The following PRKG1 variants were observed in gnomAD, a reference collection of about 807,000 sequenced individuals.
The protein encoded by PRKG1 is protein kinase cGMP-dependent 1.
PRKG1 carries 35 observed loss-of-function variants against 88.1 expected under a neutral mutation model. The observed-to-expected ratio is 0.40, with a 90% CI of 0.30 to 0.53. The LOEUF is 0.53. Ranked by LOEUF, PRKG1 falls within the 20% of genes least tolerant of loss-of-function variation. The pLI, the probability that PRKG1 is intolerant of heterozygous loss-of-function variation, is 0.59. For missense variants in PRKG1, 540 were observed against 839.8 expected (o/e 0.64, Z 4.41); for synonymous variants, 303 against 292.5 (o/e 1.04, Z -0.37).
intron 2 of PRKG1, among the ~76,000 whole-genome samples, chr10:51,269,039 C>A (rs1380749429): frequency 6.6e-6 from 1 of 152,000 alleles, no homozygotes; most frequent in Non-Finnish European, 1.5e-5. Context: ...AAAAAACAAT[C>A]CTATCAAAAA....
In PRKG1 at chr10:51,164,774, G is replaced by C. The variant is rs532933147; in HGVS notation, c.478+11444G>C. ...ATGCAGAAGCCTCAGGAGCTGACGT[G>C]ATCAACTGGAAGAAAGGGTATCAGT... On this transcript the variant is annotated intron_variant, in intron 2 of 17. Transcript: ENST00000373980. Among the ~76,000 whole-genome samples, 13 of 152,160 alleles carry C rather than the reference G, an allele frequency of 8.5e-5. No individual in the cohort carries two copies. The East Asian group carries it at 1.9e-3, about 23-fold the overall frequency.
intron 3 of PRKG1, among the ~76,000 whole-genome samples, chr10:51,714,712 C>A (rs1031384487): frequency 3.2e-4 from 49 of 152,290 alleles, no homozygotes; most frequent in African/African-American, 1.2e-3. Flanking sequence ...ATTTATCCTT[C>A]TCCTTATCAT....
At position 52,257,330 on chromosome 10, in the gene PRKG1, T is replaced by C. The variant is rs918112727; in HGVS notation, c.1173+5664T>C. On this transcript the variant is annotated intron_variant, in intron 10 of 17. Transcript: ENST00000373980. Reference sequence around the variant, plus strand: ...AGGCTTGGAGTGCTATGTAAACCAATTGAAAAAAAAATAGAAACTAAGAGG... The same window carrying C: ...AGGCTTGGAGTGCTATGTAAACCAACTGAAAAAAAAATAGAAACTAAGAGG... Among the ~76,000 whole-genome samples the C allele has an allele frequency of 2.9e-5, 4 of 138,472 alleles. 1 individual carries two copies. Among genetic ancestry groups the C allele is most frequent in the East Asian group, 2.1e-4 (1 of 4,852 alleles). The allele number at this position is 138,472 out of a possible 152,430, so 90.8% of individuals were successfully genotyped here.
chr10:51,734,029 G>A (rs1837192994), intron 3 of PRKG1, among the ~76,000 whole-genome samples: 1 of 151,600 alleles, frequency 6.6e-6, no homozygotes, highest in South Asian at 2.1e-4. Context: ...TCTATAACAG[G>A]TTCTTGTGAT....
At chr10:51,371,389 A>G (rs112395275) in intron 2 of PRKG1, among the ~76,000 whole-genome samples, 112 of 152,188 alleles carry the variant, frequency 7.4e-4, no homozygotes, top group African/African-American at 2.6e-3. Flanking sequence ...ATAAAAGAAA[A>G]AAAAACATGA....
chr10:51,006,941 T>TG (rs1271707366), intron 1 of PRKG1, among the ~76,000 whole-genome samples: 1 of 150,222 alleles, frequency 6.7e-6, no homozygotes, highest in African/African-American at 2.4e-5. Flanking sequence ...CTGAGATTTT[T>TG]TTTTTTTTTT....
chr10:51,696,630 C>G (rs533542900), intron 3 of PRKG1: 1 of 151,614 alleles, frequency 6.6e-6, no homozygotes, highest in East Asian at 2.0e-4. Flanking sequence ...ATAAGTGAAG[C>G]AACATTAAAC....
At chr10:51,747,142 T>C (rs749851369) in intron 3 of PRKG1, among the ~76,000 whole-genome samples, 1 of 152,132 alleles carries the variant, frequency 6.6e-6, no homozygotes, top group African/African-American at 2.4e-5. Flanking sequence ...AAGAATAAAT[T>C]ATTTTGCATT....
intron 1 of PRKG1, among the ~76,000 whole-genome samples, chr10:51,010,767 G>T (rs1276130010): frequency 6.6e-6 from 1 of 152,160 alleles, no homozygotes; most frequent in Non-Finnish European, 1.5e-5. Flanking sequence ...GGTGGTGTTT[G>T]TATCAAGTGA....
In PRKG1 at chr10:51,509,296, A is replaced by G. The variant is rs544412783; in HGVS notation, c.592+41460A>G. On this transcript the variant is annotated intron_variant, in intron 3 of 17. Coordinates refer to ENST00000373980, the MANE Select transcript of PRKG1 (RefSeq NM_006258.4). The stretch of plus-strand genomic sequence containing the variant: ...AAATACACTTCAGCTGATAAGACCT[A>G]CCAGTATGCAAGGAGTGACTAATTT... Among the ~76,000 whole-genome samples, 4 of 151,514 alleles carry G rather than the reference A, an allele frequency of 2.6e-5. No homozygotes were observed. In the South Asian group the frequency reaches 8.3e-4, roughly 31 times the overall value.
At chr10:51,492,861 A>T (rs1206026997) in intron 3 of PRKG1, among the ~76,000 whole-genome samples, 1 of 152,182 alleles carries the variant, frequency 6.6e-6, no homozygotes, top group African/African-American at 2.4e-5. Flanking sequence ...CATGATTATT[A>T]TAAGTGACAA....
At chr10:51,955,498 T>C (rs1398363112) in intron 5 of PRKG1, among the ~76,000 whole-genome samples, 1 of 152,182 alleles carries the variant, frequency 6.6e-6, no homozygotes, top group South Asian at 2.1e-4. Flanking sequence ...AATTTCTTAC[T>C]ACATGCATTT....
intron 5 of PRKG1, among the ~76,000 whole-genome samples, chr10:52,028,941 A>C (rs1213443095): frequency 6.6e-6 from 1 of 152,220 alleles, no homozygotes. Context: ...GTTTAAAAAA[A>C]TACTATTTCA....
At chr10:52,069,931 T>C (rs1846454856) in intron 7 of PRKG1, among the ~76,000 whole-genome samples, 1 of 146,890 alleles carries the variant, frequency 6.8e-6, no homozygotes, top group Admixed American at 6.9e-5. Context: ...AAGTTTTACC[T>C]TCTTCTATTT....
intron 5 of PRKG1, among the ~76,000 whole-genome samples, chr10:51,953,789 G>A (rs939309999): frequency 6.6e-5 from 10 of 151,962 alleles, no homozygotes; most frequent in African/African-American, 2.4e-4. Context: ...CAGTTGTTTG[G>A]CCATTATTTA....
chr10:51,285,424 A>G (rs1006100106), intron 2 of PRKG1, among the ~76,000 whole-genome samples: 9 of 152,164 alleles, frequency 5.9e-5, no homozygotes, highest in Non-Finnish European at 8.8e-5. Context: ...CTCAGCCCTC[A>G]TTAATACAAA....
chr10:52,122,164 GA>G (rs1393034835), intron 7 of PRKG1, among the ~76,000 whole-genome samples: 1 of 152,194 alleles, frequency 6.6e-6, no homozygotes, highest in Admixed American at 6.5e-5. Flanking sequence ...GCAAAACATA[GA>G]AGGGCAAGAA....
intron 4 of PRKG1, among the ~76,000 whole-genome samples, chr10:51,895,641 A>G (rs970106740): frequency 6.6e-6 from 1 of 152,102 alleles, no homozygotes; most frequent in Non-Finnish European, 1.5e-5. Context: ...TTGTTAAAAT[A>G]TCTTCCCTAT....
In PRKG1 at chr10:51,966,222, G is replaced by A. The variant is rs1195974375; in HGVS notation, c.762+58652G>A. 3.9e-5 allele frequency among the ~76,000 whole-genome samples: 6 copies of A among 152,174 alleles called. 1 individual carries two copies. The highest frequency in any genetic ancestry group is 1.3e-4 in the Admixed American group (2 of 15,284). On this transcript the variant is annotated intron_variant, in intron 5 of 17. Transcript: ENST00000373980. Reference sequence around the variant, plus strand: ...CAAATACATATTCATGATTTTATATGATTGATAATTTCAGCAACCCTTTCC... The same window carrying A: ...CAAATACATATTCATGATTTTATATAATTGATAATTTCAGCAACCCTTTCC...
Sources: gnomAD v4.1 joint callset for allele counts (sites outside exome capture counted in the v4.1 genomes callset) on GRCh38, gnomAD v4.1.1 for gene constraint, MANE v1.5 for transcripts, NCBI Gene and HGNC (gene_info 2026-07-23, HGNC 2026-07-21) for gene names.